MTSS2: variants seen among roughly 807,000 people sequenced by gnomAD.
The protein encoded by MTSS2 is protein MTSS 2.
A neutral mutation model predicts 67.1 loss-of-function variants in MTSS2; 27 were observed. That is an observed-to-expected ratio of 0.40 (90% CI 0.30 to 0.55). The LOEUF (loss-of-function observed/expected upper bound fraction) is 0.55, where lower values mean the gene tolerates loss of function less well. Among genes scored for constraint, MTSS2 ranks in the 20% least tolerant of loss-of-function variants. MTSS2 has a pLI of 0.43. For missense variants in MTSS2, 1,171 were observed against 1,067.8 expected (o/e 1.10, Z -1.35); for synonymous variants, 624 against 468.6 (o/e 1.33, Z -4.28).
In MTSS2 at chr16:70,665,475, G is replaced by T. The variant is rs774129929; in HGVS notation, c.1119C>A (p.Ser373=). The change falls in exon 12 of 15, where the codon TCC becomes TCA. Residue 373 remains serine (S), a synonymous_variant. Transcript: ENST00000338779. Reference sequence around the variant, plus strand: ...GGCTGGGAGCACTGACCGAGGTGGGGGAGCTGCACTCGCTAACGGACTGGC... The same window carrying T: ...GGCTGGGAGCACTGACCGAGGTGGGTGAGCTGCACTCGCTAACGGACTGGC... ...ETCQSVSECS[S]PTSDWSKVGS... is the part of the protein sequence containing the mutation. The T allele has an allele frequency of 1.3e-6, 2 of 1,555,678 alleles. No homozygotes were observed. Among genetic ancestry groups the T allele is most frequent in the East Asian group, 2.4e-5 (1 of 41,468 alleles).
intron 1 of MTSS2, among the ~76,000 whole-genome samples, chr16:70,684,020 T>G (rs2053381559): frequency 6.6e-6 from 1 of 152,238 alleles, no homozygotes. Context: ...TTGAACCTCT[T>G]GCTATGATCT....
rs2053250336 is a variant in MTSS2, at chr16:70,680,006, G to C, written c.255C>G (p.His85Gln). The part of the protein sequence containing the change: ...GSALTRMCMR[H>Q]RSIETKLRQF... ...GCCGCAGCTTGGTCTCGATGCTGCGGTGGCGCATGCACATGCGTGTGAGCG... is the reference window on the plus strand; with the variant it reads ...GCCGCAGCTTGGTCTCGATGCTGCGCTGGCGCATGCACATGCGTGTGAGCG... The change falls in exon 4 of 15, where the codon CAC becomes CAG. Residue 85 changes from histidine to glutamine, a missense_variant. Coordinates refer to ENST00000338779, the MANE Select transcript of MTSS2 (RefSeq NM_138383.3). 1 of 1,541,978 alleles carries C rather than the reference G, an allele frequency of 6.5e-7. No homozygotes were observed. The highest frequency in any genetic ancestry group is 8.7e-7 in the Non-Finnish European group (1 of 1,152,760).
Position 70,662,314 on chromosome 16 carries a change from C to T in MTSS2, c.*1363G>A, listed in dbSNP as rs2151897977. 1 of 152,486 alleles carries T rather than the reference C, an allele frequency of 6.6e-6. No homozygotes were observed. The highest frequency in any genetic ancestry group is 1.5e-5 in the Non-Finnish European group (1 of 68,156). 9.4% of individuals were successfully genotyped at this position (152,486 alleles called of 1,614,324 possible). ...TGACCTGCGGGGCCACCAGGACTCC[C>T]TCCGCTCGCCCTAGGCTCACGTGCT... On this transcript the variant is annotated 3_prime_UTR_variant, in exon 15 of 15. Transcript: ENST00000338779.
intron 1 of MTSS2, 25 bp downstream of exon 1, chr16:70,685,698 C>A: frequency 7.8e-7 from 1 of 1,283,794 alleles, no homozygotes; most frequent in Non-Finnish European, 1.0e-6. Flanking sequence ...TCGCCGCGCG[C>A]CCGGCCCCGC....
chr16:70,669,371 T>C (rs746475105), intron 11 of MTSS2, among the ~76,000 whole-genome samples: 1 of 152,198 alleles, frequency 6.6e-6, no homozygotes, highest in Non-Finnish European at 1.5e-5. Flanking sequence ...AAAGGGAATA[T>C]TCTAACGGTC....
Position 70,685,819 on chromosome 16 carries a change from G to A in MTSS2, c.-28C>T, listed in dbSNP as rs1458675109. 7.9e-7 allele frequency: 1 copy of A among 1,258,958 alleles called. No individual in the cohort carries two copies. The highest frequency in any genetic ancestry group is 1.0e-6 in the Non-Finnish European group (1 of 984,292). 78.0% of individuals were successfully genotyped at this position (1,258,958 alleles called of 1,614,324 possible). A position where few individuals can be genotyped will look rare whatever the true frequency, so the allele number is the denominator to read the frequency against. On this transcript the variant is annotated 5_prime_UTR_variant, in exon 1 of 15. Coordinates refer to ENST00000338779, the MANE Select transcript of MTSS2 (RefSeq NM_138383.3). ...TCTGGCTGGGCCGGGCCGCGGCGGC[G>A]GCTAGGCGCACGGAGCGCGGGGAGC...
rs191171495 is a variant in MTSS2, at chr16:70,674,686, A to G, written c.831-158T>C. On this transcript the variant is annotated intron_variant, in intron 10 of 14. Transcript: ENST00000338779. ...AGGTCCTGAGACCCAGGTGCTACAC[A>G]GGAGCTGTGTTCTGGGACGGTGTGG... Among the ~76,000 whole-genome samples, 864 of 152,314 alleles carry G rather than the reference A, an allele frequency of 5.7e-3. 4 individuals are homozygous for G. The highest frequency in any genetic ancestry group is 9.9e-3 in the Non-Finnish European group (670 of 68,014).
At chr16:70,682,811 C>A (rs534163491) in intron 1 of MTSS2, among the ~76,000 whole-genome samples, 1 of 152,204 alleles carries the variant, frequency 6.6e-6, no homozygotes, top group Non-Finnish European at 1.5e-5. Flanking sequence ...TCAGCCTTCA[C>A]CTGGGACAGG....
intron 9 of MTSS2, 145 bp downstream of exon 9, chr16:70,677,647 A>G (rs1442782072): frequency 3.1e-6 from 2 of 637,090 alleles, no homozygotes; most frequent in African/African-American, 3.7e-5. Flanking sequence ...GATGGCCTGC[A>G]GTGGGTGTCA....
At chr16:70,683,118 T>G (rs930051021) in intron 1 of MTSS2, among the ~76,000 whole-genome samples, 1 of 152,194 alleles carries the variant, frequency 6.6e-6, no homozygotes, top group South Asian at 2.1e-4. Flanking sequence ...GGCGCCCAAG[T>G]GGACAGGGAT....
Position 70,679,957 on chromosome 16 carries a change from C to G in MTSS2, c.290+14G>C. On this transcript the variant is annotated intron_variant, in intron 4 of 14. Coordinates refer to ENST00000338779, the MANE Select transcript of MTSS2 (RefSeq NM_138383.3). ...GTCCCCCCGCCCCCCTGCCCGCCCG[C>G]AGCGCCCACTCACTTGGTGAACTGC... 6.7e-7 allele frequency: 1 copy of G among 1,481,640 alleles called. No individual in the cohort carries two copies. The highest frequency in any genetic ancestry group is 8.9e-7 in the Non-Finnish European group (1 of 1,121,738). 91.8% of individuals were successfully genotyped at this position (1,481,640 alleles called of 1,614,324 possible).
At position 70,664,285 on chromosome 16, in the gene MTSS2, C is replaced by G; in HGVS notation, c.1636G>C (p.Gly546Arg). 1 of 1,561,512 alleles carries G rather than the reference C, an allele frequency of 6.4e-7. No individual in the cohort carries two copies. The highest frequency in any genetic ancestry group is 8.6e-7 in the Non-Finnish European group (1 of 1,160,904). Residue 546 changes from glycine (G) to arginine (R), a missense_variant, in exon 15 of 15, where the codon GGG becomes CGG. This residue lies in a region of MTSS2 where 924 missense variants were observed against 756.0 expected (regional missense o/e 1.22). Transcript: ENST00000338779. ...PASTAGLPTA[G>R]LPTATGLPSG... ...GGCAGGCCAGTGGCCGTGGGCAGCC[C>G]CGCGGTGGGCAGCCCAGCAGTGGAG... is the stretch of plus-strand genomic sequence containing the variant.
At chr16:70,668,625 T>C (rs912367096) in intron 11 of MTSS2, among the ~76,000 whole-genome samples, 7 of 152,170 alleles carry the variant, frequency 4.6e-5, no homozygotes, top group African/African-American at 1.7e-4. Flanking sequence ...CCCAAATTCC[T>C]CTGTTCAAAT....
chr16:70,666,763 A>G (rs1206185638), intron 11 of MTSS2, among the ~76,000 whole-genome samples: 1 of 152,270 alleles, frequency 6.6e-6, no homozygotes, highest in Non-Finnish European at 1.5e-5. Context: ...AAACTCAGTG[A>G]AAAAGTTCAA....
Position 70,664,453 on chromosome 16 carries a change from G to A in MTSS2, c.1472-4C>T. The A allele has an allele frequency of 6.5e-7, 1 of 1,535,530 alleles. No homozygotes were observed. The highest frequency in any genetic ancestry group is 8.8e-7 in the Non-Finnish European group (1 of 1,141,984). ...GAGTAGCAGTCGTAGTCGGAGCCTG[G>A]GGGCACGGGACACAGTGAGGCCCAG... On this transcript the variant is annotated splice_region_variant and splice_polypyrimidine_tract_variant and intron_variant, in intron 14 of 14. Coordinates refer to ENST00000338779, the MANE Select transcript of MTSS2 (RefSeq NM_138383.3).
intron 6 of MTSS2, 149 bp from the exon 7 acceptor site, chr16:70,679,472 A>G (rs2053227362): frequency 8.1e-7 from 1 of 1,236,652 alleles, no homozygotes; most frequent in Non-Finnish European, 1.1e-6. Context: ...GTTTGGGGGG[A>G]AGGGCAGCTC....
chr16:70,662,603 T>G lies in MTSS2; in HGVS notation c.*1074A>C, dbSNP rs2151898929. The G allele has an allele frequency of 6.6e-6, 1 of 152,548 alleles. No homozygotes were observed. Among genetic ancestry groups the G allele is most frequent in the Admixed American group, 6.5e-5 (1 of 15,296 alleles). The allele number at this position is 152,548 out of a possible 1,614,324, so 9.4% of individuals were successfully genotyped here. On this transcript the variant is annotated 3_prime_UTR_variant, in exon 15 of 15. Transcript: ENST00000338779. ...TCGAGACACTGGAGAGAACAGTAGCTTCCACCGGGCTCTGGGGGAGCCAAG... is the reference window on the plus strand; with the variant it reads ...TCGAGACACTGGAGAGAACAGTAGCGTCCACCGGGCTCTGGGGGAGCCAAG...
chr16:70,677,202 G>C (rs1293923800), intron 9 of MTSS2, among the ~76,000 whole-genome samples: 4 of 152,168 alleles, frequency 2.6e-5, no homozygotes, highest in Admixed American at 2.6e-4. Flanking sequence ...GAGATTCCGA[G>C]CCCAGCCTGG....
intron 10 of MTSS2, among the ~76,000 whole-genome samples, chr16:70,676,229 G>T (rs116735254): frequency 0.015 from 2,301 of 152,314 alleles, 51 homozygotes; most frequent in African/African-American, 0.053. Flanking sequence ...CCCAGCCCCA[G>T]TGCCCAGCCA....
Sources: gnomAD v4.1 joint callset for allele counts (sites outside exome capture counted in the v4.1 genomes callset) on GRCh38, gnomAD v4.1.1 for gene constraint, gnomAD v4.1.1 regional missense constraint, MANE v1.5 for transcripts, NCBI Gene and HGNC (gene_info 2026-07-23, HGNC 2026-07-21) for gene names.